The following OSBPL1A variants were observed in gnomAD, a reference collection of about 807,000 sequenced individuals.
The protein encoded by OSBPL1A is oxysterol-binding protein-related protein 1.
OSBPL1A carries 80 observed loss-of-function variants against 137.1 expected under a neutral mutation model. That is an observed-to-expected ratio of 0.58 (90% confidence interval 0.49 to 0.70). The LOEUF is 0.70. OSBPL1A is among the 30% of genes least tolerant of loss of function. The pLI, the probability that OSBPL1A is intolerant of heterozygous loss-of-function variation, is 0.00. For missense variants in OSBPL1A, 970 were observed against 1,129.4 expected (o/e 0.86, Z 2.02); for synonymous variants, 365 against 389.7 (o/e 0.94, Z 0.75).
intron 2 of OSBPL1A, 54 bp downstream of exon 2, chr18:24,377,359 C>A: frequency 1.3e-6 from 2 of 1,530,210 alleles, no homozygotes; most frequent in South Asian, 1.3e-5. Flanking sequence ...TAAATAAATG[C>A]TAAGAGTAGT....
chr18:24,195,409 G>A (rs556423128), intron 18 of OSBPL1A, among the ~76,000 whole-genome samples: 1 of 152,354 alleles, frequency 6.6e-6, no homozygotes, highest in East Asian at 1.9e-4. Flanking sequence ...TGTGCATGAG[G>A]TGACTGTACT....
At chr18:24,349,807 A>C (rs2091407804) in intron 4 of OSBPL1A, among the ~76,000 whole-genome samples, 1 of 152,068 alleles carries the variant, frequency 6.6e-6, no homozygotes, top group African/African-American at 2.4e-5. Flanking sequence ...CACAGATGAG[A>C]ACACAGTTCA....
intron 1 of OSBPL1A, among the ~76,000 whole-genome samples, chr18:24,394,202 T>A (rs1907570487): frequency 6.6e-6 from 1 of 152,214 alleles, no homozygotes; most frequent in African/African-American, 2.4e-5. Context: ...TTGATAAATT[T>A]ACATTACCTT....
chr18:24,255,983 C>T (rs551163668), intron 15 of OSBPL1A, among the ~76,000 whole-genome samples: 1 of 152,018 alleles, frequency 6.6e-6, no homozygotes, highest in Non-Finnish European at 1.5e-5. Flanking sequence ...TTAGTAGAGA[C>T]GGGGTTTTGC....
intron 17 of OSBPL1A, among the ~76,000 whole-genome samples, chr18:24,211,181 G>C (rs1599498182): frequency 6.6e-6 from 1 of 152,150 alleles, no homozygotes; most frequent in African/African-American, 2.4e-5. Context: ...TGGCCAGGCT[G>C]GTCTCGAACT....
At chr18:24,176,321 GAGGT>G (rs975606364) in intron 21 of OSBPL1A, among the ~76,000 whole-genome samples, 1 of 152,118 alleles carries the variant, frequency 6.6e-6, no homozygotes, top group African/African-American at 2.4e-5. Flanking sequence ...CTGCATTACT[GAGGT>G]AATTCTTGAT....
intron 24 of OSBPL1A, among the ~76,000 whole-genome samples, chr18:24,170,085 G>C (rs1292136836): frequency 1.3e-5 from 2 of 152,196 alleles, no homozygotes; most frequent in Non-Finnish European, 2.9e-5. Flanking sequence ...GTGAATTAAA[G>C]CAAAGCTCCA....
chr18:24,196,104 A>G, intron 18 of OSBPL1A, 21 bp downstream of exon 18: 7 of 1,576,976 alleles, frequency 4.4e-6, no homozygotes, highest in Admixed American at 1.7e-5. Context: ...TTAATATCAT[A>G]TGACAAAACC....
chr18:24,352,399 A>G (rs545937980), intron 4 of OSBPL1A, among the ~76,000 whole-genome samples: 65 of 152,258 alleles, frequency 4.3e-4, no homozygotes, highest in Admixed American at 1.3e-3. Flanking sequence ...TTAGAAAAAT[A>G]AAACAACAAT....
At position 24,178,090 on chromosome 18, in the gene OSBPL1A, A is replaced by G. The variant is rs746858110; in HGVS notation, c.2016T>C (p.Ser672=). 1.2e-6 allele frequency: 2 copies of G among 1,613,904 alleles called. No individual in the cohort carries two copies. The highest frequency in any genetic ancestry group is 2.2e-5 in the South Asian group (2 of 91,074). Residue 672 remains serine (S), a synonymous_variant, in exon 21 of 28, where the codon TCT becomes TCC. Coordinates refer to ENST00000319481, the MANE Select transcript of OSBPL1A (RefSeq NM_080597.4). Reference sequence around the variant, plus strand: ...CCCAGAATTTCAGTTTGGGATAGATAGAGCCATGAAAGATGAAGTCATTGT... The same window carrying G: ...CCCAGAATTTCAGTTTGGGATAGATGGAGCCATGAAAGATGAAGTCATTGT... ...GLNNDFIFHG[S]IYPKLKFWGK...
chr18:24,293,334 C>T (rs1166701814), intron 14 of OSBPL1A, among the ~76,000 whole-genome samples: 2 of 151,944 alleles, frequency 1.3e-5, no homozygotes, highest in Admixed American at 1.3e-4. Flanking sequence ...GCAGAGGAAC[C>T]CGGCAGCACT....
intron 11 of OSBPL1A, among the ~76,000 whole-genome samples, chr18:24,316,014 A>C (rs1325486919): frequency 6.7e-6 from 1 of 149,992 alleles, no homozygotes; most frequent in African/African-American, 2.5e-5. Flanking sequence ...TAATCCCAGC[A>C]CTTTGGTAGG....
At chr18:24,323,209 T>C (rs1352236545) in intron 7 of OSBPL1A, among the ~76,000 whole-genome samples, 9 of 151,974 alleles carry the variant, frequency 5.9e-5, no homozygotes, top group Admixed American at 5.9e-4. Flanking sequence ...TTTTTTTTAA[T>C]GCGATACTGT....
rs193066752 is a variant in OSBPL1A at position 24,200,488 on chromosome 18, G to A, written c.1602-4288C>T. 4.0e-5 allele frequency among the ~76,000 whole-genome samples: 6 copies of A among 151,794 alleles called. No homozygotes were observed. The East Asian group carries it at 1.2e-3, about 29-fold the overall frequency. On this transcript the variant is annotated intron_variant, in intron 17 of 27. Coordinates refer to ENST00000319481, the MANE Select transcript of OSBPL1A (RefSeq NM_080597.4). ...GAGGCAGGAGAATCACTTGAACCTG[G>A]GAAGCGGAGGTTGCAGTGAGCTGAG...
At chr18:24,294,119 TAG>T (rs2090243602) in intron 14 of OSBPL1A, among the ~76,000 whole-genome samples, 1 of 152,156 alleles carries the variant, frequency 6.6e-6, no homozygotes, top group Non-Finnish European at 1.5e-5. Flanking sequence ...TTTGGGGGAA[TAG>T]GTGGTGTTTG....
At chr18:24,182,944 C>T (rs1308511057) in intron 18 of OSBPL1A, among the ~76,000 whole-genome samples, 1 of 152,042 alleles carries the variant, frequency 6.6e-6, no homozygotes, top group African/African-American at 2.4e-5. Flanking sequence ...TCTTGGCTCA[C>T]TGTAACCTCT....
chr18:24,173,167 T>C (rs2086334316), intron 21 of OSBPL1A, among the ~76,000 whole-genome samples: 1 of 152,164 alleles, frequency 6.6e-6, no homozygotes, highest in African/African-American at 2.4e-5. Context: ...AAATACCACA[T>C]GTTCTCATTT....
At position 24,282,721 on chromosome 18, in the gene OSBPL1A, C is replaced by G. The variant is rs965201171; in HGVS notation, c.1175-1773G>C. Among the ~76,000 whole-genome samples, 4 of 152,100 alleles carry G rather than the reference C, an allele frequency of 2.6e-5. No individual in the cohort carries two copies. The South Asian group carries it at 8.3e-4, about 32-fold the overall frequency. On this transcript the variant is annotated intron_variant, in intron 14 of 27. Transcript: ENST00000319481. ...ACGTTAAGATCCTTTAAATCTGTCC[C>G]TTCCATCAAATAAAAATCTTAACAT...
chr18:24,333,214 G>T, intron 6 of OSBPL1A, 128 bp from the exon 7 acceptor site: 1 of 1,052,080 alleles, frequency 9.5e-7, no homozygotes, highest in Non-Finnish European at 1.4e-6. Context: ...GCTGTTAGTG[G>T]TTTCTTGCTC....
Sources: allele counts gnomAD v4.1 joint callset (sites outside exome capture counted in the v4.1 genomes callset), GRCh38; gene constraint gnomAD v4.1.1; transcripts MANE v1.5; gene names NCBI Gene and HGNC (gene_info 2026-07-23, HGNC 2026-07-21).